Variants in PRKCI observed in about 807,000 individuals in gnomAD.
PRKCI encodes the protein protein kinase C iota type.
A neutral mutation model predicts 84.0 loss-of-function variants in PRKCI; 43 were observed. The observed-to-expected ratio is 0.51, with a 90% CI of 0.40 to 0.66. PRKCI has a LOEUF of 0.66. Among genes scored for constraint, PRKCI ranks in the 30% least tolerant of loss-of-function variants. The pLI, the probability that PRKCI is intolerant of heterozygous loss-of-function variation, is 0.00. For synonymous variants in PRKCI, 216 were observed against 234.4 expected (o/e 0.92, Z 0.72); for missense variants, 459 against 745.6 (o/e 0.62, Z 4.48).
intron 1 of PRKCI, among the ~76,000 whole-genome samples, chr3:170,233,074 A>G (rs923693272): frequency 1.3e-5 from 2 of 151,762 alleles, no homozygotes; most frequent in Non-Finnish European, 2.9e-5. Context: ...CCCCCAAAAC[A>G]TTTTGCCCAA....
At chr3:170,293,592 G>A (rs1263228859) in intron 14 of PRKCI, 84 bp downstream of exon 14, 2 of 1,411,294 alleles carry the variant, frequency 1.4e-6, no homozygotes, top group African/African-American at 1.5e-5. Flanking sequence ...ACTACTTTGA[G>A]TAAGAAAAAT....
chr3:170,284,151 C>A (rs1734318846), intron 11 of PRKCI, among the ~76,000 whole-genome samples: 1 of 152,088 alleles, frequency 6.6e-6, no homozygotes, highest in Non-Finnish European at 1.5e-5. Context: ...TACGGGCATA[C>A]ACCTTTGCCC....
intron 2 of PRKCI, among the ~76,000 whole-genome samples, chr3:170,253,698 A>G (rs563792246): frequency 2.5e-3 from 374 of 152,016 alleles, no homozygotes; most frequent in Non-Finnish European, 3.8e-3. Flanking sequence ...GGCTGAGGCA[A>G]GAGAATGGCA....
At chr3:170,291,595 G>T in intron 12 of PRKCI, 1 of 340,130 alleles carries the variant, frequency 2.9e-6, no homozygotes, top group Non-Finnish European at 5.7e-6. Flanking sequence ...TACTCAGGAG[G>T]CTGAGACACA....
At chr3:170,285,733 T>C (rs1156866836) in intron 12 of PRKCI, among the ~76,000 whole-genome samples, 1 of 151,658 alleles carries the variant, frequency 6.6e-6, no homozygotes, top group Non-Finnish European at 1.5e-5. Context: ...ATGATACTTA[T>C]TAATTAATTA....
At chr3:170,283,047 G>T (rs373334686) in intron 11 of PRKCI, among the ~76,000 whole-genome samples, 4 of 151,154 alleles carry the variant, frequency 2.6e-5, no homozygotes, top group African/African-American at 9.8e-5. Context: ...GGAGGTTGCA[G>T]TGAGCTGAGA....
chr3:170,259,089 G>A (rs989965174), intron 2 of PRKCI, among the ~76,000 whole-genome samples: 9 of 151,588 alleles, frequency 5.9e-5, no homozygotes, highest in African/African-American at 2.2e-4. Flanking sequence ...GGTTGCAGTG[G>A]GCCAAGATAA....
chr3:170,243,555 G>T (rs1266157726), intron 2 of PRKCI, among the ~76,000 whole-genome samples: 2 of 152,136 alleles, frequency 1.3e-5, no homozygotes, highest in Non-Finnish European at 2.9e-5. Context: ...GGATCATGTG[G>T]TAGGTATATA....
rs1339034075 is a variant in PRKCI at position 170,222,554 on chromosome 3, G to T, written c.-116G>T. ...TCGGCGCTGCGGGCGAGGTGGGCAG[G>T]TAGGTGGGCGGACGGCCGCGGTTCT... On this transcript the variant is annotated 5_prime_UTR_variant, in exon 1 of 18. Coordinates refer to ENST00000295797, the MANE Select transcript of PRKCI (RefSeq NM_002740.6). The T allele has an allele frequency of 6.0e-5, 53 of 888,214 alleles. No individual in the cohort carries two copies. The highest frequency in any genetic ancestry group is 8.0e-5 in the Non-Finnish European group (49 of 611,838). The allele number at this position is 888,214 out of a possible 1,614,324, so 55.0% of individuals were successfully genotyped here. A position where few individuals can be genotyped will look rare whatever the true frequency, so the allele number is the denominator to read the frequency against.
At chr3:170,232,572 G>GT (rs201246763) in intron 1 of PRKCI, among the ~76,000 whole-genome samples, 90 of 144,506 alleles carry the variant, frequency 6.2e-4, no homozygotes, top group East Asian at 1.4e-3. Context: ...AGCTGGGTGT[G>GT]TTTTTTTTTT....
intron 8 of PRKCI, among the ~76,000 whole-genome samples, chr3:170,279,979 C>T (rs1560181176): frequency 6.6e-6 from 1 of 152,056 alleles, no homozygotes; most frequent in Non-Finnish European, 1.5e-5. Context: ...AGACATCCTT[C>T]GATGTTTTTG....
At chr3:170,268,255 C>G (rs145809536) in intron 5 of PRKCI, among the ~76,000 whole-genome samples, 5 of 151,692 alleles carry the variant, frequency 3.3e-5, no homozygotes, top group Non-Finnish European at 5.9e-5. Flanking sequence ...CCAAGGCTGC[C>G]GGATCAGTTG....
intron 1 of PRKCI, among the ~76,000 whole-genome samples, chr3:170,223,316 A>G (rs73032599): frequency 0.02 from 3,062 of 152,306 alleles, 101 homozygotes; most frequent in African/African-American, 0.07. Context: ...GTTGTATTTA[A>G]GAATCAAGTC....
At chr3:170,225,932 A>G (rs1732617594) in intron 1 of PRKCI, among the ~76,000 whole-genome samples, 1 of 150,784 alleles carries the variant, frequency 6.6e-6, no homozygotes, top group African/African-American at 2.4e-5. Context: ...ATTTTTTTGG[A>G]GATGGAGTCT....
intron 13 of PRKCI, 38 bp from the exon 14 acceptor site, chr3:170,293,343 CAA>C: frequency 6.4e-7 from 1 of 1,556,410 alleles, no homozygotes; most frequent in East Asian, 2.3e-5. Context: ...TTCAAGAATG[CAA>C]AGTGTATAAT....
At chr3:170,286,477 CAAT>C (rs1734393835) in intron 12 of PRKCI, among the ~76,000 whole-genome samples, 1 of 118,180 alleles carries the variant, frequency 8.5e-6, no homozygotes, top group Non-Finnish European at 1.7e-5. Context: ...CAAATTAAAA[CAAT>C]GAGGCTTTTT....
At chr3:170,281,792 A>C in intron 10 of PRKCI, 90 bp from the exon 11 acceptor site, 1 of 1,468,614 alleles carries the variant, frequency 6.8e-7, no homozygotes, top group Non-Finnish European at 9.0e-7. Context: ...AATAGTAGAG[A>C]ATGCTCTCTG....
At chr3:170,224,460 T>A (rs1400605221) in intron 1 of PRKCI, among the ~76,000 whole-genome samples, 1 of 152,114 alleles carries the variant, frequency 6.6e-6, no homozygotes. Flanking sequence ...CTTTGCTTTT[T>A]TTTTTTTAAA....
Position 170,304,569 on chromosome 3 carries a change from A to G in PRKCI, c.*1442A>G, listed in dbSNP as rs1184184249. ...ATAAATGTTCAGGACACACACATAC[A>G]CTCACACACATCACAGTATCAGCTC... On this transcript the variant is annotated 3_prime_UTR_variant, in exon 18 of 18. Transcript: ENST00000295797. The G allele has an allele frequency of 6.6e-6, 1 of 152,158 alleles. No individual in the cohort carries two copies. The highest frequency in any genetic ancestry group is 1.5e-5 in the Non-Finnish European group (1 of 68,024). The allele number at this position is 152,158 out of a possible 1,614,324, so 9.4% of individuals were successfully genotyped here. A position where few individuals can be genotyped will look rare whatever the true frequency, so the allele number is the denominator to read the frequency against.
Sources: allele counts gnomAD v4.1 joint callset (sites outside exome capture counted in the v4.1 genomes callset), GRCh38; gene constraint gnomAD v4.1.1; transcripts MANE v1.5; gene names NCBI Gene and HGNC (gene_info 2026-07-23, HGNC 2026-07-21).